Variants in PTPRD observed in about 807,000 individuals in gnomAD.
PTPRD encodes the protein protein tyrosine phosphatase receptor type D, also known as receptor-type tyrosine-protein phosphatase delta.
Under a neutral mutation model 214.5 loss-of-function variants are expected in PTPRD, and 34 were observed. The observed-to-expected ratio is 0.16, with a 90% CI of 0.12 to 0.21. PTPRD has a LOEUF of 0.21. PTPRD is among the 10% of genes least tolerant of loss of function. The probability of loss-of-function intolerance (pLI) is 1.00; values close to 1 mark genes in which losing one functional copy is unlikely to be tolerated. For synonymous variants in PTPRD, 1,128 were observed against 845.7 expected (o/e 1.33, Z -5.79); for missense variants, 2,545 against 2,398.7 (o/e 1.06, Z -1.27).
chr9:10,412,020 A>G (rs2098440708), intron 2 of PTPRD, among the ~76,000 whole-genome samples: 1 of 151,816 alleles, frequency 6.6e-6, no homozygotes, highest in Non-Finnish European at 1.5e-5. Context: ...TATAAAAATG[A>G]ATTTCATAAC....
chr9:10,277,857 ACTTTAAAAGAGTG>A (rs1338490697), intron 3 of PTPRD, among the ~76,000 whole-genome samples: 1 of 152,078 alleles, frequency 6.6e-6, no homozygotes, highest in African/African-American at 2.4e-5. Context: ...CATTAGGGAT[ACTTTAAAAGAGTG>A]CTTTGAGGCC....
chr9:10,426,399 T>C (rs987098520), intron 2 of PTPRD, among the ~76,000 whole-genome samples: 1 of 151,920 alleles, frequency 6.6e-6, no homozygotes, highest in Admixed American at 6.6e-5. Flanking sequence ...AGCCCAAAAA[T>C]TTTCGAAGGA....
intron 3 of PTPRD, among the ~76,000 whole-genome samples, chr9:10,298,070 G>C (rs933485667): frequency 1.4e-4 from 21 of 152,030 alleles, no homozygotes; most frequent in African/African-American, 5.1e-4. Flanking sequence ...GGCAGTCCAA[G>C]GTTATCCTTT....
At chr9:9,850,298 C>G (rs899326946) in intron 5 of PTPRD, among the ~76,000 whole-genome samples, 1 of 152,076 alleles carries the variant, frequency 6.6e-6, no homozygotes, top group African/African-American at 2.4e-5. Flanking sequence ...ATGCTGGAGA[C>G]AGGAAAGAAT....
rs1392692413 is a variant in PTPRD at position 10,412,664 on chromosome 9, ACC to A, written c.-599-71649_-599-71648del. Among the ~76,000 whole-genome samples, 556 of 122,088 alleles carry A rather than the reference ACC, an allele frequency of 4.6e-3. 3 individuals carry two copies. The highest frequency in any genetic ancestry group is 0.018 in the African/African-American group (520 of 29,218). 80.1% of individuals were successfully genotyped at this position (122,088 alleles called of 152,430 possible). A position where few individuals can be genotyped will look rare whatever the true frequency, so the allele number is the denominator to read the frequency against. ...CACACACACACACACACACACACAC[ACC>A]CCTTGAAGCCAATATTCTTGATGAA... On this transcript the variant is annotated intron_variant, in intron 2 of 45. Transcript: ENST00000381196.
chr9:9,460,794 C>G (rs142166683), intron 8 of PTPRD, among the ~76,000 whole-genome samples: 1 of 152,156 alleles, frequency 6.6e-6, no homozygotes, highest in East Asian at 1.9e-4. Context: ...GATAAAACTA[C>G]TATTCATCCT....
chr9:8,788,790 T>G (rs917175603), intron 11 of PTPRD, among the ~76,000 whole-genome samples: 8 of 152,168 alleles, frequency 5.3e-5, no homozygotes, highest in Admixed American at 2.0e-4. Context: ...AAGAACAGAA[T>G]TCATTTATCA....
chr9:10,172,720 G>C (rs976402456), intron 3 of PTPRD, among the ~76,000 whole-genome samples: 2 of 152,162 alleles, frequency 1.3e-5, no homozygotes, highest in African/African-American at 4.8e-5. Context: ...ATAATACAGA[G>C]AGCAATTGTG....
chr9:9,505,357 C>T (rs140472899), intron 8 of PTPRD, among the ~76,000 whole-genome samples: 47 of 151,494 alleles, frequency 3.1e-4, no homozygotes, highest in African/African-American at 1.1e-3. Context: ...GTCTACTTTG[C>T]CATCAGAATT....
intron 7 of PTPRD, among the ~76,000 whole-genome samples, chr9:9,614,012 T>C (rs1423308927): frequency 1.3e-5 from 2 of 152,166 alleles, no homozygotes; most frequent in Non-Finnish European, 2.9e-5. Context: ...CTTCTTCACA[T>C]GTTGTCATAA....
intron 12 of PTPRD, among the ~76,000 whole-genome samples, chr9:8,669,490 G>T (rs1179595535): frequency 6.6e-6 from 1 of 152,094 alleles, no homozygotes; most frequent in African/African-American, 2.4e-5. Context: ...TAGAGTTTGG[G>T]TTGGGGGCTG....
chr9:9,198,418 T>C (rs949332580), intron 9 of PTPRD, among the ~76,000 whole-genome samples: 6 of 152,156 alleles, frequency 3.9e-5, no homozygotes, highest in Non-Finnish European at 7.3e-5. Context: ...GTTTTTTTTT[T>C]CTTTTATTCA....
intron 9 of PTPRD, among the ~76,000 whole-genome samples, chr9:9,385,066 C>T (rs893782578): frequency 2.0e-5 from 3 of 152,048 alleles, no homozygotes; most frequent in Non-Finnish European, 4.4e-5. Context: ...GACTGAAGCT[C>T]TTTCATAGGT....
rs1357622165 is a variant in PTPRD, at chr9:10,137,459, C to G, written c.-544-103669G>C. ...AGTAAACTATCGCAAGAACAAAAAA[C>G]CAAACACCGCATATTCTCACTCATA... On this transcript the variant is annotated intron_variant, in intron 3 of 45. Transcript: ENST00000381196. Among the ~76,000 whole-genome samples the G allele has an allele frequency of 3.2e-3, 155 of 48,382 alleles. 3 individuals are homozygous for G. Among genetic ancestry groups the G allele is most frequent in the Middle Eastern group, 7.7e-3 (1 of 130 alleles). 31.7% of individuals were successfully genotyped at this position (48,382 alleles called of 152,430 possible). A position where few individuals can be genotyped will look rare whatever the true frequency, so the allele number is the denominator to read the frequency against.
intron 3 of PTPRD, among the ~76,000 whole-genome samples, chr9:10,092,294 T>C (rs2098440077): frequency 6.6e-6 from 1 of 150,828 alleles, no homozygotes; most frequent in Admixed American, 6.6e-5. Flanking sequence ...TATTCCTTAA[T>C]AAATTTTAGG....
intron 3 of PTPRD, among the ~76,000 whole-genome samples, chr9:10,225,399 T>A (rs577448980): frequency 1.3e-5 from 2 of 152,046 alleles, no homozygotes; most frequent in African/African-American, 4.8e-5. Context: ...AGAGCTGATA[T>A]TAACAGTCCG....
intron 2 of PTPRD, among the ~76,000 whole-genome samples, chr9:10,512,581 G>C (rs142638012): frequency 6.6e-6 from 1 of 152,190 alleles, no homozygotes; most frequent in East Asian, 1.9e-4. Flanking sequence ...AATCAAAGTT[G>C]AACGCACAAG....
chr9:9,083,794 A>G (rs1392714276), intron 10 of PTPRD, among the ~76,000 whole-genome samples: 3 of 152,202 alleles, frequency 2.0e-5, no homozygotes, highest in Admixed American at 1.3e-4. Context: ...CAAAAAACAT[A>G]TGAAAAAAAG....
intron 9 of PTPRD, among the ~76,000 whole-genome samples, chr9:9,211,599 T>C (rs1006936049): frequency 6.6e-6 from 1 of 150,578 alleles, no homozygotes; most frequent in African/African-American, 2.4e-5. Context: ...AGAAGTTAAA[T>C]TACAAGACCT....
Sources: gnomAD v4.1 joint callset for allele counts (sites outside exome capture counted in the v4.1 genomes callset) on GRCh38, gnomAD v4.1.1 for gene constraint, MANE v1.5 for transcripts, NCBI Gene and HGNC (gene_info 2026-07-23, HGNC 2026-07-21) for gene names.